KMT2C: variants seen among roughly 807,000 people sequenced by gnomAD.
KMT2C encodes lysine methyltransferase 2C.
In KMT2C, 88 loss-of-function variants were observed where a neutral mutation model predicts 507.9. That is an observed-to-expected ratio of 0.17 (90% CI 0.15 to 0.21). The LOEUF (loss-of-function observed/expected upper bound fraction) is 0.21, where lower values mean the gene tolerates loss of function less well. Among genes scored for constraint, KMT2C ranks in the 10% least tolerant of loss-of-function variants. KMT2C has a pLI of 1.00. For synonymous variants in KMT2C, 2,049 were observed against 2,080.8 expected, an observed-to-expected ratio of 0.98 and a Z score of 0.42; for missense variants, 4,954 against 5,957.8, an observed-to-expected ratio of 0.83 and a Z score of 5.55.
intron 2 of KMT2C, among the ~76,000 whole-genome samples, chr7:152,339,941 C>T (rs781335866): frequency 6.6e-6 from 1 of 151,912 alleles, no homozygotes; most frequent in African/African-American, 2.4e-5. Context: ...CATTCATTAT[C>T]GACTAGTTAT....
At chr7:152,380,833 G>C (rs1289110389) in intron 1 of KMT2C, among the ~76,000 whole-genome samples, 1 of 152,074 alleles carries the variant, frequency 6.6e-6, no homozygotes, top group Non-Finnish European at 1.5e-5. Context: ...ATGGCGGGCA[G>C]GTGGACAGAA....
intron 6 of KMT2C, among the ~76,000 whole-genome samples, chr7:152,293,890 C>T (rs2129187875): frequency 6.6e-6 from 1 of 152,256 alleles, no homozygotes; most frequent in East Asian, 1.9e-4. Context: ...CAAAGTCTGG[C>T]TCTGTTGCCC....
chr7:152,181,358 G>C lies in KMT2C; in HGVS notation c.6502C>G (p.Pro2168Ala). 6.2e-7 allele frequency: 1 copy of C among 1,614,056 alleles called. No individual in the cohort carries two copies. Among genetic ancestry groups the C allele is most frequent in the East Asian group, 2.2e-5 (1 of 44,860 alleles). The change falls in exon 36 of 59, where the codon CCT becomes GCT. Residue 2168 changes from proline (P) to alanine (A), a missense_variant. By Grantham distance (27) the Pro-to-Ala change is conservative (BLOSUM62 -1). Around this residue, in one of 29 missense-constraint regions of KMT2C, gnomAD observed 1,689 missense variants for 1,654.3 expected, o/e 1.02. Coordinates refer to ENST00000262189, the MANE Select transcript of KMT2C (RefSeq NM_170606.3). ...PYSQPPGTPR[P>A]TTVDPYSQQP... Reference sequence around the variant, plus strand: ...TGACTATATGGGTCAACAGTAGTAGGCCGGGGAGTTCCAGGAGGTTGAGAG... The same window carrying C: ...TGACTATATGGGTCAACAGTAGTAGCCCGGGGAGTTCCAGGAGGTTGAGAG...
At chr7:152,317,992 G>A (rs1389163400) in intron 3 of KMT2C, among the ~76,000 whole-genome samples, 1 of 151,888 alleles carries the variant, frequency 6.6e-6, no homozygotes, top group Non-Finnish European at 1.5e-5. Context: ...ACAAAAATTA[G>A]CCAGGCATGG....
At chr7:152,408,513 G>A (rs569598926) in intron 1 of KMT2C, among the ~76,000 whole-genome samples, 2 of 152,334 alleles carry the variant, frequency 1.3e-5, no homozygotes, top group African/African-American at 4.8e-5. Context: ...CACAGCAGGT[G>A]AGCGGCAGGC....
At chr7:152,271,023 T>A (rs1204656169) in intron 7 of KMT2C, among the ~76,000 whole-genome samples, 1 of 152,132 alleles carries the variant, frequency 6.6e-6, no homozygotes, top group Non-Finnish European at 1.5e-5. Context: ...ATACATATAC[T>A]CAATATGTAT....
At chr7:152,282,557 T>G (rs2096237490) in intron 6 of KMT2C, among the ~76,000 whole-genome samples, 1 of 152,012 alleles carries the variant, frequency 6.6e-6, no homozygotes, top group Admixed American at 6.6e-5. Flanking sequence ...AATATATACA[T>G]GAAAGATGAC....
At chr7:152,190,376 CT>C (rs2129126666) in intron 31 of KMT2C, among the ~76,000 whole-genome samples, 1 of 152,180 alleles carries the variant, frequency 6.6e-6, no homozygotes, top group South Asian at 2.1e-4. Context: ...CATATTGAAA[CT>C]TTTCCCAATA....
chr7:152,175,299 C>T (rs563649123), intron 38 of KMT2C, among the ~76,000 whole-genome samples: 131 of 152,160 alleles, frequency 8.6e-4, no homozygotes, highest in African/African-American at 3.1e-3. Flanking sequence ...GCGCACGCTG[C>T]TATGCCCAGC....
intron 2 of KMT2C, among the ~76,000 whole-genome samples, chr7:152,355,140 GAAATGTGAATGTCTA>G (rs2097142030): frequency 3.3e-5 from 5 of 152,156 alleles, no homozygotes; most frequent in Non-Finnish European, 4.4e-5. Flanking sequence ...GTGAAAATGT[GAAATGTGAATGTCTA>G]AAATGTGAAT....
chr7:152,367,542 G>C (rs1394982882), intron 1 of KMT2C: 1 of 1,209,922 alleles, frequency 8.3e-7, no homozygotes, highest in Non-Finnish European at 1.2e-6. Flanking sequence ...TGGGAAAGTC[G>C]ACATTAATCA....
intron 1 of KMT2C, among the ~76,000 whole-genome samples, chr7:152,369,322 CA>C (rs1002641611): frequency 7.9e-6 from 1 of 127,298 alleles, no homozygotes; most frequent in Non-Finnish European, 1.7e-5. Context: ...GGCCCTGTCT[CA>C]AAAAAAAACA....
intron 2 of KMT2C, among the ~76,000 whole-genome samples, chr7:152,337,130 C>G (rs990115112): frequency 2.0e-5 from 3 of 152,116 alleles, no homozygotes; most frequent in African/African-American, 7.2e-5. Flanking sequence ...TTCAGCCGGC[C>G]TTGGTGGCAC....
At chr7:152,315,626 A>G (rs931335087) in intron 3 of KMT2C, among the ~76,000 whole-genome samples, 1 of 152,220 alleles carries the variant, frequency 6.6e-6, no homozygotes, top group South Asian at 2.1e-4. Flanking sequence ...ATATTTGACT[A>G]GAAAAAAATC....
intron 58 of KMT2C, 92 bp from the exon 59 acceptor site, chr7:152,137,016 A>G: frequency 1.1e-6 from 1 of 924,554 alleles, no homozygotes; most frequent in South Asian, 1.4e-5. Context: ...AAACCAGCAA[A>G]CGAAACAGAC....
chr7:152,261,819 C>CA (rs2095784543), intron 9 of KMT2C, among the ~76,000 whole-genome samples: 1 of 152,078 alleles, frequency 6.6e-6, no homozygotes, highest in Non-Finnish European at 1.5e-5. Flanking sequence ...AGTCAAATAG[C>CA]AGAGTTTTTC....
chr7:152,183,102 T>C lies in KMT2C; in HGVS notation c.5137A>G (p.Asn1713Asp). 2 of 1,612,988 alleles carry C rather than the reference T, an allele frequency of 1.2e-6. No individual in the cohort carries two copies. Among genetic ancestry groups the C allele is most frequent in the Non-Finnish European group, 1.7e-6 (2 of 1,179,604 alleles). ...ALRINKVQMS[N>D]DSMKRQQQQD... ...TGTTGCTGCCTTTTCATGGAATCATTTGACATCTGTACTTTATTAATGCGT... is the reference window on the plus strand; with the variant it reads ...TGTTGCTGCCTTTTCATGGAATCATCTGACATCTGTACTTTATTAATGCGT... Residue 1713 changes from asparagine (N) to aspartate (D), a missense_variant, in exon 35 of 59, where the codon AAT becomes GAT. Asn to Asp is a conservative substitution (Grantham distance 23). Transcript: ENST00000262189.
intron 2 of KMT2C, among the ~76,000 whole-genome samples, chr7:152,344,255 C>G (rs564176659): frequency 6.6e-6 from 1 of 152,124 alleles, no homozygotes; most frequent in African/African-American, 2.4e-5. Context: ...CCAGCGGATG[C>G]CTGAAACCAA....
At chr7:152,240,417 C>G (rs1453434958) in intron 14 of KMT2C, among the ~76,000 whole-genome samples, 1 of 152,272 alleles carries the variant, frequency 6.6e-6, no homozygotes, top group Non-Finnish European at 1.5e-5. Flanking sequence ...TGTTCTTCCT[C>G]TATTTGACTT....
Sources: gnomAD v4.1 joint callset for allele counts (sites outside exome capture counted in the v4.1 genomes callset) on GRCh38, gnomAD v4.1.1 for gene constraint, gnomAD v4.1.1 regional missense constraint, MANE v1.5 for transcripts, NCBI Gene and HGNC (gene_info 2026-07-23, HGNC 2026-07-21) for gene names.